Variants in DCC observed in about 807,000 individuals in gnomAD.
DCC encodes netrin receptor DCC.
In DCC, 58 loss-of-function variants were observed where a neutral mutation model predicts 172.5. The ratio of observed to expected loss-of-function variants is 0.34; its 90% CI spans 0.27 to 0.42. The LOEUF is 0.42. Among genes scored for constraint, DCC ranks in the 10% least tolerant of loss-of-function variants. DCC has a pLI of 1.00. For missense variants in DCC, 1,740 were observed against 1,791.0 expected (o/e 0.97, Z 0.51); for synonymous variants, 709 against 644.5 (o/e 1.10, Z -1.52).
intron 2 of DCC, among the ~76,000 whole-genome samples, chr18:52,837,863 T>C (rs1437701854): frequency 6.6e-6 from 1 of 152,182 alleles, no homozygotes; most frequent in Non-Finnish European, 1.5e-5. Context: ...TGACTCACAG[T>C]TCTGCAGGAC....
At chr18:52,902,831 A>G (rs1485604589) in intron 2 of DCC, among the ~76,000 whole-genome samples, 1 of 152,162 alleles carries the variant, frequency 6.6e-6, no homozygotes, top group African/African-American at 2.4e-5. Flanking sequence ...ATTTAGAGAC[A>G]AAAAGAAAAG....
At chr18:53,029,074 T>C (rs189262236) in intron 5 of DCC, among the ~76,000 whole-genome samples, 1 of 148,310 alleles carries the variant, frequency 6.7e-6, no homozygotes, top group Non-Finnish European at 1.5e-5. Flanking sequence ...TTTGTCTTTA[T>C]AATTAATTCA....
intron 4 of DCC, among the ~76,000 whole-genome samples, chr18:52,924,862 T>G (rs1478129005): frequency 6.6e-6 from 1 of 152,040 alleles, no homozygotes; most frequent in Non-Finnish European, 1.5e-5. Flanking sequence ...GTACAAAGGT[T>G]ACTAAATTGG....
At chr18:53,090,698 C>A (rs371339475) in intron 7 of DCC, among the ~76,000 whole-genome samples, 198 of 39,318 alleles carry the variant, frequency 5.0e-3, no homozygotes, top group South Asian at 0.012. Flanking sequence ...CGTCCCCCAA[C>A]AAAAAAAAAA....
intron 1 of DCC, among the ~76,000 whole-genome samples, chr18:52,661,060 T>G (rs1233454840): frequency 6.6e-6 from 1 of 152,124 alleles, no homozygotes; most frequent in Non-Finnish European, 1.5e-5. Flanking sequence ...GTGATAAGGA[T>G]GGCAGGTAGC....
At chr18:53,418,482 T>A (rs1345216126) in intron 21 of DCC, among the ~76,000 whole-genome samples, 1 of 152,156 alleles carries the variant, frequency 6.6e-6, no homozygotes, top group Non-Finnish European at 1.5e-5. Flanking sequence ...TTAGACCTAT[T>A]TGCCCCCTTC....
At chr18:52,780,393 C>T (rs1807514759) in intron 2 of DCC, among the ~76,000 whole-genome samples, 1 of 152,156 alleles carries the variant, frequency 6.6e-6, no homozygotes, top group African/African-American at 2.4e-5. Flanking sequence ...AATATATAGT[C>T]TCTAGAGGTA....
chr18:53,176,345 A>C (rs1217497343), intron 8 of DCC, among the ~76,000 whole-genome samples: 1 of 136,666 alleles, frequency 7.3e-6, no homozygotes, highest in Non-Finnish European at 1.6e-5. Context: ...AATTAAACTA[A>C]AGAGCTTCTG....
chr18:52,451,141 C>G (rs1988290928), intron 1 of DCC, among the ~76,000 whole-genome samples: 1 of 152,066 alleles, frequency 6.6e-6, no homozygotes, highest in African/African-American at 2.4e-5. Context: ...TAGTGAGCAC[C>G]AGACCCAAAG....
intron 12 of DCC, among the ~76,000 whole-genome samples, chr18:53,292,173 T>A (rs1347869167): frequency 6.7e-6 from 1 of 149,622 alleles, no homozygotes; most frequent in Non-Finnish European, 1.5e-5. Flanking sequence ...GATCATTTTC[T>A]TAGTCAGTTT....
chr18:53,390,401 T>G (rs541394514), intron 16 of DCC, among the ~76,000 whole-genome samples: 1 of 152,198 alleles, frequency 6.6e-6, no homozygotes, highest in South Asian at 2.1e-4. Flanking sequence ...CAAAGTGAAG[T>G]AATCATCAAA....
chr18:53,398,552 T>A (rs1909099937), intron 18 of DCC, among the ~76,000 whole-genome samples: 1 of 152,138 alleles, frequency 6.6e-6, no homozygotes, highest in African/African-American at 2.4e-5. Context: ...CTACTCTTCC[T>A]TTTTACTTGA....
chr18:53,447,658 TAA>T (rs1467167394), intron 22 of DCC, among the ~76,000 whole-genome samples: 3 of 152,210 alleles, frequency 2.0e-5, no homozygotes, highest in Non-Finnish European at 4.4e-5. Flanking sequence ...TTGTTAAATT[TAA>T]GTCATGCTTA....
rs1252776995 is a variant in DCC at position 53,513,975 on chromosome 18, T to C, written c.4112-12642T>C. On this transcript the variant is annotated intron_variant, in intron 27 of 28. Coordinates refer to ENST00000442544, the MANE Select transcript of DCC (RefSeq NM_005215.4). ...GCACCAAGCAGACCTAATACACATC[T>C]ACAGAACTCTCCACCCCAAATCAAC... Among the ~76,000 whole-genome samples the C allele has an allele frequency of 6.6e-5, 10 of 151,072 alleles. No homozygotes were observed. In the South Asian group the frequency reaches 2.1e-3, roughly 32 times the overall value.
intron 5 of DCC, among the ~76,000 whole-genome samples, chr18:52,957,269 T>C (rs187110222): frequency 8.5e-4 from 130 of 152,224 alleles, no homozygotes; most frequent in African/African-American, 3.0e-3. Flanking sequence ...ATTAGAAGTG[T>C]ATGGAAAACT....
chr18:52,520,525 G>A (rs1478561480), intron 1 of DCC, among the ~76,000 whole-genome samples: 1 of 152,080 alleles, frequency 6.6e-6, no homozygotes, highest in Non-Finnish European at 1.5e-5. Context: ...CCAAGATTGT[G>A]GATAATGGTC....
At chr18:53,281,320 C>A (rs1302060996) in intron 12 of DCC, among the ~76,000 whole-genome samples, 1 of 152,094 alleles carries the variant, frequency 6.6e-6, no homozygotes, top group Non-Finnish European at 1.5e-5. Flanking sequence ...TTCTCTCTAA[C>A]TAAATTTGAT....
At chr18:53,094,968 C>T (rs12607886) in intron 7 of DCC, among the ~76,000 whole-genome samples, 39,203 of 151,908 alleles carry the variant, frequency 0.26, 6,171 homozygotes, top group African/African-American at 0.44. Context: ...TAAATGAAAG[C>T]TTATCATTTA....
intron 2 of DCC, among the ~76,000 whole-genome samples, chr18:52,775,339 G>T (rs182758759): frequency 0.013 from 1,943 of 152,252 alleles, 20 homozygotes; most frequent in Middle Eastern, 0.02. Context: ...TGTGATACAG[G>T]GTGCTCTCTT....
Sources: gnomAD v4.1 joint callset for allele counts (sites outside exome capture counted in the v4.1 genomes callset) on GRCh38, gnomAD v4.1.1 for gene constraint, MANE v1.5 for transcripts, NCBI Gene and HGNC (gene_info 2026-07-23, HGNC 2026-07-21) for gene names.